Variants in APLF observed in about 807,000 individuals in gnomAD.
APLF encodes the protein aprataxin and PNKP like factor.
In APLF, 61 loss-of-function variants were observed where a neutral mutation model predicts 55.6. That is an observed-to-expected ratio of 1.10 (90% CI 0.89 to 1.36). The LOEUF is 1.36. Ranked by LOEUF, APLF falls within the 40% of genes most tolerant of loss-of-function variation. The pLI is 0.00. For synonymous variants in APLF, 207 were observed against 214.8 expected (o/e 0.96, Z 0.32); for missense variants, 611 against 602.5 (o/e 1.01, Z -0.15).
chr2:68,513,456 G>A, intron 4 of APLF, 92 bp from the exon 5 acceptor site: 1 of 1,397,402 alleles, frequency 7.2e-7, no homozygotes, highest in Non-Finnish European at 9.8e-7. Context: ...TTGCATATGG[G>A]TATTTTAATG....
At chr2:68,548,103 G>C (rs1315990012) in intron 8 of APLF, among the ~76,000 whole-genome samples, 2 of 151,808 alleles carry the variant, frequency 1.3e-5, no homozygotes, top group Non-Finnish European at 3.0e-5. Flanking sequence ...ATAACTTCCA[G>C]ATGAATTGGT....
rs141512086 is a variant in APLF at position 68,505,761 on chromosome 2, A to G, written c.341+2858A>G. On this transcript the variant is annotated intron_variant, in intron 3 of 9. Coordinates refer to ENST00000303795, the MANE Select transcript of APLF (RefSeq NM_173545.3). ...GGTACACCACTCTCCCAGCACATGG[A>G]CATGTTCTTGTTCACCAACCTGGAA... Among the ~76,000 whole-genome samples, 767 of 152,130 alleles carry G rather than the reference A, an allele frequency of 5.0e-3. 3 individuals are homozygous for G. Among genetic ancestry groups the G allele is most frequent in the Non-Finnish European group, 7.7e-3 (521 of 67,922 alleles).
intron 8 of APLF, among the ~76,000 whole-genome samples, chr2:68,554,990 C>T (rs528822335): frequency 1.3e-5 from 2 of 151,882 alleles, no homozygotes; most frequent in African/African-American, 4.8e-5. Context: ...ATAGAGAGCC[C>T]AGAAAAAAAC....
chr2:68,491,315 A>G (rs1676353011), intron 2 of APLF, among the ~76,000 whole-genome samples: 1 of 152,190 alleles, frequency 6.6e-6, no homozygotes, highest in African/African-American at 2.4e-5. Context: ...CTGAGATGAC[A>G]TACTGGATCA....
intron 6 of APLF, among the ~76,000 whole-genome samples, chr2:68,536,064 G>T (rs1318557254): frequency 1.3e-5 from 2 of 152,164 alleles, no homozygotes. Context: ...AGGGGGAACT[G>T]CCTAGTAGGG....
intron 2 of APLF, among the ~76,000 whole-genome samples, chr2:68,501,216 C>G (rs148888172): frequency 0.011 from 1,614 of 152,178 alleles, 14 homozygotes; most frequent in Non-Finnish European, 0.015. Context: ...TGGCCAGATT[C>G]TTATGAAATT....
intron 8 of APLF, among the ~76,000 whole-genome samples, chr2:68,555,613 G>A (rs531101808): frequency 1.3e-5 from 2 of 152,014 alleles, no homozygotes; most frequent in South Asian, 2.1e-4. Context: ...TAATGATCAG[G>A]GAAATGCTAA....
chr2:68,516,921 TTATATATAATATATAATATAA>T (rs1298682932), intron 5 of APLF, among the ~76,000 whole-genome samples: 95 of 126,780 alleles, frequency 7.5e-4, no homozygotes, highest in African/African-American at 2.8e-3. Flanking sequence ...CTATATAACA[TTATATATAATATATAATATAA>T]TATATATAAT....
rs186513437 is a variant in APLF, at chr2:68,516,008, C to A, written c.622+2328C>A. Among the ~76,000 whole-genome samples the A allele has an allele frequency of 2.6e-5, 4 of 151,886 alleles. No homozygotes were observed. In the Admixed American group the frequency reaches 2.6e-4, roughly 10 times the overall value. On this transcript the variant is annotated intron_variant, in intron 5 of 9. Transcript: ENST00000303795. ...CAGGATGCATTTTGGTTTATTCAGA[C>A]ATGAGTAACTTTCATATGTCTTTTG...
chr2:68,512,967 C>G (rs1447444601), intron 3 of APLF, 113 bp from the exon 4 acceptor site: 45 of 887,142 alleles, frequency 5.1e-5, no homozygotes, highest in Non-Finnish European at 7.2e-5. Flanking sequence ...CTATAATCTG[C>G]TTTTTTTGGT....
At chr2:68,549,868 T>C (rs1417445924) in intron 8 of APLF, among the ~76,000 whole-genome samples, 1 of 152,188 alleles carries the variant, frequency 6.6e-6, no homozygotes, top group African/African-American at 2.4e-5. Context: ...GGAAATTTAC[T>C]CAGAGCTGTA....
chr2:68,560,296 C>A (rs945007315), intron 8 of APLF, among the ~76,000 whole-genome samples: 1 of 152,092 alleles, frequency 6.6e-6, no homozygotes, highest in African/African-American at 2.4e-5. Flanking sequence ...GAACCTAGAA[C>A]AGTGCTTGGC....
chr2:68,489,726 A>T (rs1676295538), intron 1 of APLF, among the ~76,000 whole-genome samples: 1 of 152,192 alleles, frequency 6.6e-6, no homozygotes, highest in South Asian at 2.1e-4. Context: ...TTGACCCCAA[A>T]GCCTATAGTC....
At position 68,502,814 on chromosome 2, in the gene APLF, T is replaced by A; in HGVS notation, c.252T>A (p.Asn84Lys). ...PLKPNLWCYL[N>K]PGDSFSLLVD... ...AGCCAAATCTATGGTGCTATTTGAA[T>A]CCTGGAGACAGCTTTTCTTTGTTAG... Residue 84 changes from asparagine (N) to lysine (K), a missense_variant, in exon 3 of 10, where the codon AAT (asparagine) becomes AAA (lysine). Asn to Lys is a moderately conservative substitution (Grantham distance 94, BLOSUM62 0). Coordinates refer to ENST00000303795, the MANE Select transcript of APLF (RefSeq NM_173545.3). 8 of 1,608,958 alleles carry A rather than the reference T, an allele frequency of 5.0e-6. No individual in the cohort carries two copies. The highest frequency in any genetic ancestry group is 6.8e-6 in the Non-Finnish European group (8 of 1,178,312).
Position 68,577,973 on chromosome 2 carries a change from A to G in APLF, c.1487A>G (p.Asp496Gly). ...GGAAAGGAAGATGAAGAGAAGGAAG[A>G]TGTGGAAGAGCTTTTGAAAGAAGCA... is the stretch of plus-strand genomic sequence containing the variant. ...EPGKEDEEKE[D>G]VEELLKEAKR... Residue 496 changes from aspartate to glycine, a missense_variant, in exon 10 of 10, where the codon GAT (aspartate) becomes GGT (glycine). By Grantham distance (94) the Asp-to-Gly change is moderately conservative. Transcript: ENST00000303795. The G allele has an allele frequency of 1.9e-6, 3 of 1,613,564 alleles. No individual in the cohort carries two copies. The highest frequency in any genetic ancestry group is 2.5e-6 in the Non-Finnish European group (3 of 1,179,704).
chr2:68,519,059 T>TAATATA (rs1558540245), intron 5 of APLF, among the ~76,000 whole-genome samples: 4 of 126,852 alleles, frequency 3.2e-5, no homozygotes, highest in South Asian at 2.2e-4. Flanking sequence ...TAATATATAA[T>TAATATA]TAATATATAA....
At chr2:68,521,623 C>A (rs1230340449) in intron 5 of APLF, among the ~76,000 whole-genome samples, 1 of 151,884 alleles carries the variant, frequency 6.6e-6, no homozygotes, top group African/African-American at 2.4e-5. Flanking sequence ...GGCCACAAGA[C>A]TAATCATAAC....
At chr2:68,537,011 A>G (rs755542908) in intron 6 of APLF, among the ~76,000 whole-genome samples, 39 of 152,124 alleles carry the variant, frequency 2.6e-4, no homozygotes, top group Non-Finnish European at 3.7e-4. Context: ...CTAAAAATAC[A>G]AAAATTAGCT....
At position 68,568,268 on chromosome 2, in the gene APLF, A is replaced by G. The variant is rs1671361153; in HGVS notation, c.1333+881A>G. ...TTCAGCGCATAATATTTCTGCTCACAGAATGAGAAAATAAAATGCATACTA... is the reference window on the plus strand; with the variant it reads ...TTCAGCGCATAATATTTCTGCTCACGGAATGAGAAAATAAAATGCATACTA... On this transcript the variant is annotated intron_variant, in intron 9 of 9. Coordinates refer to ENST00000303795, the MANE Select transcript of APLF (RefSeq NM_173545.3). The G allele has an allele frequency of 5.1e-6, 5 of 985,252 alleles. No individual in the cohort carries two copies. In the African/African-American group the frequency reaches 8.7e-5, roughly 17 times the overall value. 61.0% of individuals were successfully genotyped at this position (985,252 alleles called of 1,614,324 possible).
Sources: gnomAD v4.1 joint callset for allele counts (sites outside exome capture counted in the v4.1 genomes callset) on GRCh38, gnomAD v4.1.1 for gene constraint, MANE v1.5 for transcripts, NCBI Gene and HGNC (gene_info 2026-07-23, HGNC 2026-07-21) for gene names.